Variants in HCN1 observed in about 807,000 individuals in gnomAD.
The protein encoded by HCN1 is hyperpolarization activated cyclic nucleotide gated potassium channel 1, also known as potassium/sodium hyperpolarization-activated cyclic nucleotide-gated channel 1.
A neutral mutation model predicts 78.9 loss-of-function variants in HCN1; 13 were observed. The ratio of observed to expected loss-of-function variants is 0.16; its 90% CI spans 0.11 to 0.26. HCN1 has a LOEUF of 0.26. Among genes scored for constraint, HCN1 ranks in the 10% least tolerant of loss-of-function variants. HCN1 has a pLI of 1.00. For synonymous variants in HCN1, 552 were observed against 455.5 expected (o/e 1.21, Z -2.70); for missense variants, 810 against 1,154.3 (o/e 0.70, Z 4.32).
intron 3 of HCN1, among the ~76,000 whole-genome samples, chr5:45,402,811 TCCTCCTTCCTTC>T (rs1487810225): frequency 9.4e-6 from 1 of 106,358 alleles, no homozygotes; most frequent in African/African-American, 3.9e-5. Context: ...TTCCTTTCTT[TCCTCCTTCCTTC>T]CTTCCTTCCT....
chr5:45,270,549 C>T (rs1404457315), intron 6 of HCN1, among the ~76,000 whole-genome samples: 2 of 152,148 alleles, frequency 1.3e-5, no homozygotes, highest in South Asian at 4.1e-4. Flanking sequence ...AAACATGTCC[C>T]TTTGTCTCGT....
intron 5 of HCN1, among the ~76,000 whole-genome samples, chr5:45,314,101 G>C (rs1240827145): frequency 6.6e-6 from 1 of 152,100 alleles, no homozygotes; most frequent in African/African-American, 2.4e-5. Flanking sequence ...AAATGGTAAG[G>C]GCAGCCAGAG....
At position 45,622,490 on chromosome 5, in the gene HCN1, C is replaced by A. The variant is rs541768014; in HGVS notation, c.849+22695G>T. On this transcript the variant is annotated intron_variant, in intron 2 of 7. Transcript: ENST00000303230. ...CACATTTTCCTAATTTTAAAAAATG[C>A]ACCTGTAGCAGAATTTTTTCTCCAA... Among the ~76,000 whole-genome samples, 120 of 152,114 alleles carry A rather than the reference C, an allele frequency of 7.9e-4. 1 individual carries two copies. Among genetic ancestry groups the A allele is most frequent in the African/African-American group, 2.7e-3 (111 of 41,502 alleles).
At chr5:45,529,361 G>T (rs1742795684) in intron 2 of HCN1, among the ~76,000 whole-genome samples, 1 of 151,780 alleles carries the variant, frequency 6.6e-6, no homozygotes, top group Non-Finnish European at 1.5e-5. Flanking sequence ...CCCAGGTAAA[G>T]CCCAATTTTC....
intron 2 of HCN1, among the ~76,000 whole-genome samples, chr5:45,615,564 C>T (rs1744928017): frequency 6.6e-6 from 1 of 151,920 alleles, no homozygotes; most frequent in African/African-American, 2.4e-5. Context: ...GTGGATCATT[C>T]TAGCCTCTTC....
At chr5:45,493,799 G>A (rs1161444647) in intron 2 of HCN1, among the ~76,000 whole-genome samples, 14 of 131,722 alleles carry the variant, frequency 1.1e-4, no homozygotes, top group Non-Finnish European at 2.0e-4. Flanking sequence ...CCCTTCCTGT[G>A]TCCATGAGTT....
chr5:45,346,670 G>T (rs557211953), intron 5 of HCN1, among the ~76,000 whole-genome samples: 1 of 152,166 alleles, frequency 6.6e-6, no homozygotes, highest in South Asian at 2.1e-4. Flanking sequence ...CTAATACTGC[G>T]CTTTTCTGAT....
At chr5:45,686,573 G>A (rs748567966) in intron 1 of HCN1, among the ~76,000 whole-genome samples, 1 of 152,136 alleles carries the variant, frequency 6.6e-6, no homozygotes, top group African/African-American at 2.4e-5. Flanking sequence ...ATTAGGTACT[G>A]TTGAACCAAG....
At chr5:45,678,393 C>T (rs1040309826) in intron 1 of HCN1, among the ~76,000 whole-genome samples, 1 of 151,912 alleles carries the variant, frequency 6.6e-6, no homozygotes, top group Non-Finnish European at 1.5e-5. Flanking sequence ...TTTTACCAAG[C>T]AATTGTAATC....
intron 2 of HCN1, among the ~76,000 whole-genome samples, chr5:45,590,152 T>C (rs893918037): frequency 6.6e-6 from 1 of 152,212 alleles, no homozygotes; most frequent in African/African-American, 2.4e-5. Flanking sequence ...TCTAAATGAA[T>C]TGTTTATTTA....
In HCN1 at chr5:45,373,999, T is replaced by A. The variant is rs183428988; in HGVS notation, c.1231-20753A>T. On this transcript the variant is annotated intron_variant, in intron 4 of 7. Transcript: ENST00000303230. ...GTAGATACATAATATATATAATATATATTATATACATAATATATATTATAT... is the reference window on the plus strand; with the variant it reads ...GTAGATACATAATATATATAATATAAATTATATACATAATATATATTATAT... 6.3e-3 allele frequency among the ~76,000 whole-genome samples: 647 copies of A among 102,354 alleles called. 8 individuals carry two copies. The highest frequency in any genetic ancestry group is 9.1e-3 in the Non-Finnish European group (518 of 56,914). 67.1% of individuals were successfully genotyped at this position (102,354 alleles called of 152,430 possible).
intron 2 of HCN1, among the ~76,000 whole-genome samples, chr5:45,555,946 A>G (rs1191000585): frequency 2.6e-5 from 4 of 151,994 alleles, no homozygotes; most frequent in Admixed American, 2.0e-4. Context: ...TGCCAAGACG[A>G]TACACTAAGG....
intron 5 of HCN1, among the ~76,000 whole-genome samples, chr5:45,321,980 C>T (rs1026037437): frequency 4.0e-5 from 6 of 151,684 alleles, no homozygotes; most frequent in African/African-American, 1.5e-4. Context: ...TGTGCCTCAC[C>T]AGAAAATTAG....
Position 45,526,995 on chromosome 5 carries a change from A to T in HCN1, c.850-64988T>A, listed in dbSNP as rs549078004. ...CTTGGGTTTCAGTCGTCTATCAGAAATCTTTCCTTTCCTTCCTTCTCTGCC... is the reference window on the plus strand; with the variant it reads ...CTTGGGTTTCAGTCGTCTATCAGAATTCTTTCCTTTCCTTCCTTCTCTGCC... On this transcript the variant is annotated intron_variant, in intron 2 of 7. Transcript: ENST00000303230. Among the ~76,000 whole-genome samples the T allele has an allele frequency of 3.9e-4, 54 of 138,832 alleles. 4 individuals are homozygous for T. Among genetic ancestry groups the T allele is most frequent in the Non-Finnish European group, 6.8e-4 (43 of 63,084 alleles). The allele number at this position is 138,832 out of a possible 152,430, so 91.1% of individuals were successfully genotyped here. A position where few individuals can be genotyped will look rare whatever the true frequency, so the allele number is the denominator to read the frequency against.
chr5:45,383,814 G>T (rs891466067), intron 4 of HCN1, among the ~76,000 whole-genome samples: 1 of 151,754 alleles, frequency 6.6e-6, no homozygotes, highest in African/African-American at 2.4e-5. Context: ...TAAAATGTTT[G>T]TTTTTTCCAC....
intron 3 of HCN1, among the ~76,000 whole-genome samples, chr5:45,454,352 A>G (rs895243689): frequency 1.3e-5 from 2 of 152,040 alleles, no homozygotes; most frequent in African/African-American, 4.8e-5. Flanking sequence ...ACAGCAAAGG[A>G]GAATCGCAAC....
chr5:45,393,110 C>T (rs1579864954), intron 4 of HCN1, among the ~76,000 whole-genome samples: 1 of 152,102 alleles, frequency 6.6e-6, no homozygotes. Context: ...TGATAACTTC[C>T]TCACATATTT....
At chr5:45,411,257 A>G (rs1235713130) in intron 3 of HCN1, among the ~76,000 whole-genome samples, 2 of 152,074 alleles carry the variant, frequency 1.3e-5, no homozygotes, top group Non-Finnish European at 2.9e-5. Flanking sequence ...ATATCTCTCA[A>G]TTCAGATGTA....
At chr5:45,681,512 T>C (rs1739702490) in intron 1 of HCN1, among the ~76,000 whole-genome samples, 1 of 152,118 alleles carries the variant, frequency 6.6e-6, no homozygotes, top group Non-Finnish European at 1.5e-5. Context: ...CAGGACGTTT[T>C]TCACTGGAAT....
Sources: gnomAD v4.1 joint callset for allele counts (sites outside exome capture counted in the v4.1 genomes callset) on GRCh38, gnomAD v4.1.1 for gene constraint, MANE v1.5 for transcripts, NCBI Gene and HGNC (gene_info 2026-07-23, HGNC 2026-07-21) for gene names.